Variants in SLC14A2 observed in about 807,000 individuals in gnomAD.
SLC14A2 encodes urea transporter 2.
SLC14A2 carries 91 observed loss-of-function variants against 104.6 expected under a neutral mutation model. The observed-to-expected ratio is 0.87, with a 90% CI of 0.73 to 1.04. The LOEUF (loss-of-function observed/expected upper bound fraction) is 1.04, where lower values mean the gene tolerates loss of function less well. Among genes scored for constraint, SLC14A2 ranks in the 50% least tolerant of loss-of-function variants. The pLI is 0.00. For missense variants in SLC14A2, 1,189 were observed against 1,156.0 expected (o/e 1.03, Z -0.41); for synonymous variants, 476 against 466.4 (o/e 1.02, Z -0.27).
At chr18:45,404,009 C>T (rs1023637455) in intron 1 of SLC14A2, among the ~76,000 whole-genome samples, 2 of 152,200 alleles carry the variant, frequency 1.3e-5, no homozygotes, top group Admixed American at 1.3e-4. Flanking sequence ...CTTTTCCATG[C>T]ATTTGTGTCT....
intron 1 of SLC14A2, among the ~76,000 whole-genome samples, chr18:45,235,953 A>G (rs868257754): frequency 4.5e-5 from 4 of 88,012 alleles, no homozygotes; most frequent in East Asian, 2.6e-4. Flanking sequence ...ATATGTGTGT[A>G]TATATGTATA....
intron 5 of SLC14A2, among the ~76,000 whole-genome samples, chr18:45,635,113 C>T (rs540112569): frequency 5.8e-4 from 88 of 152,032 alleles, no homozygotes; most frequent in Middle Eastern, 3.4e-3. Flanking sequence ...AAGAGAAGAA[C>T]TGGTCGGTGG....
chr18:45,227,024 T>C (rs1030571057), intron 1 of SLC14A2, among the ~76,000 whole-genome samples: 2 of 152,086 alleles, frequency 1.3e-5, no homozygotes, highest in Non-Finnish European at 2.9e-5. Context: ...CTCCAGACAT[T>C]ACATCTGTAT....
upstream of SLC14A2, among the ~76,000 whole-genome samples, chr18:45,209,082 A>C (rs1459008396): frequency 1.3e-5 from 2 of 150,464 alleles, no homozygotes; most frequent in African/African-American, 4.9e-5. Context: ...CACGTCTGTA[A>C]TCCCAGCACT....
At chr18:45,179,632 G>A in the SLC14A2 span, among the ~76,000 whole-genome samples, 36 of 152,064 alleles carry the variant, frequency 2.4e-4, no homozygotes, top group Non-Finnish European at 4.6e-4. Flanking sequence ...ACACAGCAAG[G>A]TTATAGCATA....
At chr18:45,481,547 C>A (rs1181337502) in intron 1 of SLC14A2, among the ~76,000 whole-genome samples, 2 of 152,140 alleles carry the variant, frequency 1.3e-5, no homozygotes, top group African/African-American at 4.8e-5. Flanking sequence ...TCTTCCCCAA[C>A]AGTAAGGGTT....
At chr18:45,529,672 G>C (rs1046992947) in intron 2 of SLC14A2, 2 of 152,054 alleles carry the variant, frequency 1.3e-5, no homozygotes, top group African/African-American at 4.8e-5. Context: ...GAAGTATCTC[G>C]GTCAGCAAGA....
At chr18:45,173,331 T>A in the SLC14A2 span, among the ~76,000 whole-genome samples, 1 of 152,076 alleles carries the variant, frequency 6.6e-6, no homozygotes, top group Non-Finnish European at 1.5e-5. Context: ...GAATGAGACA[T>A]CATATAGGAT....
At position 45,232,830 on chromosome 18, in the gene SLC14A2, C is replaced by T. The variant is rs528024941; in HGVS notation, c.-125+19639C>T. 2.0e-5 allele frequency among the ~76,000 whole-genome samples: 3 copies of T among 152,186 alleles called. No homozygotes were observed. In the South Asian group the frequency reaches 6.2e-4, roughly 31 times the overall value. On this transcript the variant is annotated intron_variant, in intron 1 of 20. Transcript: ENST00000586448. ...CAGCTTATAGGCCCATTTTGAGGCA[C>T]ATTCGTGAAACCACAAAAGGGTAAT...
intron 1 of SLC14A2, among the ~76,000 whole-genome samples, chr18:45,433,389 G>C (rs2144556855): frequency 6.6e-6 from 1 of 152,168 alleles, no homozygotes; most frequent in East Asian, 1.9e-4. Context: ...TATCTTCCTA[G>C]GCCTTCTTCT....
chr18:45,445,471 T>A (rs982076834), intron 1 of SLC14A2, among the ~76,000 whole-genome samples: 2 of 152,196 alleles, frequency 1.3e-5, no homozygotes, highest in Non-Finnish European at 2.9e-5. Flanking sequence ...TGTTTATTCT[T>A]TAGTGATAAA....
At chr18:45,599,003 A>G (rs1363275945) in intron 2 of SLC14A2, among the ~76,000 whole-genome samples, 1 of 152,220 alleles carries the variant, frequency 6.6e-6, no homozygotes, top group Non-Finnish European at 1.5e-5. Flanking sequence ...ATATGCAGCC[A>G]CTGGTTTCCA....
chr18:45,629,612 G>A (rs985449149), intron 4 of SLC14A2, among the ~76,000 whole-genome samples: 1 of 152,016 alleles, frequency 6.6e-6, no homozygotes, highest in African/African-American at 2.4e-5. Context: ...ATAATCTACT[G>A]TCCAGCTGAG....
chr18:45,592,031 T>A (rs1568289645), intron 2 of SLC14A2, among the ~76,000 whole-genome samples: 1 of 152,148 alleles, frequency 6.6e-6, no homozygotes, highest in Non-Finnish European at 1.5e-5. Context: ...CCAATACCTC[T>A]ATACCCATGG....
At position 45,663,899 on chromosome 18, in the gene SLC14A2, G is replaced by C; in HGVS notation, c.1466G>C (p.Arg489Thr). 1 of 1,612,202 alleles carries C rather than the reference G, an allele frequency of 6.2e-7. No individual in the cohort carries two copies. Residue 489 changes from arginine to threonine, a missense_variant, in exon 11 of 20, where the codon AGG (arginine) becomes ACG (threonine). By Grantham distance (71) the Arg-to-Thr change is moderately conservative (BLOSUM62 -1). Transcript: ENST00000255226. ...FHIEWSSIRRRSKVFGKGEHQ... is the reference protein window; with the variant it reads ...FHIEWSSIRRTSKVFGKGEHQ... Reference sequence around the variant, plus strand: ...ATCGAGTGGTCATCCATTCGGAGGAGGAGCAAAGGTGTGCATGTCCTCCCC... The same window carrying C: ...ATCGAGTGGTCATCCATTCGGAGGACGAGCAAAGGTGTGCATGTCCTCCCC...
intron 1 of SLC14A2, among the ~76,000 whole-genome samples, chr18:45,379,470 C>G (rs1318322037): frequency 1.3e-5 from 2 of 152,212 alleles, no homozygotes; most frequent in Non-Finnish European, 2.9e-5. Context: ...CCCCCATTCC[C>G]TTAACCATTC....
intron 2 of SLC14A2, among the ~76,000 whole-genome samples, chr18:45,525,880 AG>A (rs1397853975): frequency 6.6e-6 from 1 of 152,206 alleles, no homozygotes; most frequent in East Asian, 1.9e-4. Flanking sequence ...TTTTGTTTCT[AG>A]GTGTTTGCTG....
intron 1 of SLC14A2, among the ~76,000 whole-genome samples, chr18:45,270,358 A>G (rs578179348): frequency 1.3e-5 from 2 of 152,294 alleles, no homozygotes; most frequent in South Asian, 2.1e-4. Context: ...CAAGACAGGA[A>G]GGCAGGAAAG....
chr18:45,453,591 T>G (rs916271691), intron 1 of SLC14A2, among the ~76,000 whole-genome samples: 2 of 152,162 alleles, frequency 1.3e-5, no homozygotes, highest in Non-Finnish European at 2.9e-5. Context: ...ATTATAGATT[T>G]TTGCATTAAC....
Sources: allele counts gnomAD v4.1 joint callset (sites outside exome capture counted in the v4.1 genomes callset), GRCh38; gene constraint gnomAD v4.1.1; transcripts MANE v1.5; gene names NCBI Gene and HGNC (gene_info 2026-07-23, HGNC 2026-07-21).